The following CRYZL1 variants were observed in gnomAD, a reference collection of about 807,000 sequenced individuals.
The protein encoded by CRYZL1 is ferry endosomal RAB5 effector complex subunit 4.
CRYZL1 carries 34 observed loss-of-function variants against 50.6 expected under a neutral mutation model. That is an observed-to-expected ratio of 0.67 (90% CI 0.51 to 0.89). The LOEUF is 0.89. Among genes scored for constraint, CRYZL1 ranks in the 40% least tolerant of loss-of-function variants. The pLI is 0.00. For missense variants in CRYZL1, 354 were observed against 402.3 expected, an observed-to-expected ratio of 0.88 and a Z score of 1.03; for synonymous variants, 125 against 134.3, an observed-to-expected ratio of 0.93 and a Z score of 0.48.
chr21:33,602,431 A>G (rs1203920820), intron 7 of CRYZL1, 86 bp from the exon 8 acceptor site: 2 of 520,708 alleles, frequency 3.8e-6, no homozygotes, highest in Non-Finnish European at 6.7e-6. Flanking sequence ...TTAATAAAGT[A>G]TAATTCTTTA....
At chr21:33,608,321 G>A (rs760643345) in intron 6 of CRYZL1, among the ~76,000 whole-genome samples, 11 of 152,214 alleles carry the variant, frequency 7.2e-5, no homozygotes, top group African/African-American at 1.4e-4. Context: ...CAGGTGTGGC[G>A]GCTGGCACCT....
At chr21:33,626,542 CA>C (rs2087065744) in intron 2 of CRYZL1, among the ~76,000 whole-genome samples, 1 of 151,360 alleles carries the variant, frequency 6.6e-6, no homozygotes. Flanking sequence ...ACTAAAAATA[CA>C]AAAAATAGCT....
At chr21:33,600,895 G>C (rs1225806075) in intron 8 of CRYZL1, among the ~76,000 whole-genome samples, 1 of 139,140 alleles carries the variant, frequency 7.2e-6, no homozygotes, top group African/African-American at 2.7e-5. Context: ...CCAAAGTGCT[G>C]GGATTATAGG....
intron 6 of CRYZL1, among the ~76,000 whole-genome samples, chr21:33,612,553 T>C (rs1241067054): frequency 6.6e-6 from 1 of 152,320 alleles, no homozygotes; most frequent in East Asian, 1.9e-4. Flanking sequence ...CGTCCCAAAG[T>C]GCTAGGATCA....
At chr21:33,597,857 G>A (rs1000524218) in intron 9 of CRYZL1, among the ~76,000 whole-genome samples, 25 of 152,022 alleles carry the variant, frequency 1.6e-4, no homozygotes, top group Admixed American at 4.6e-4. Flanking sequence ...CTCGTGATCC[G>A]CCCGCCTCGG....
intron 1 of CRYZL1, chr21:33,641,391 G>A (rs2087330039): frequency 6.9e-7 from 1 of 1,453,854 alleles, no homozygotes; most frequent in Non-Finnish European, 9.1e-7. Flanking sequence ...GGGAGATTAA[G>A]TGGAAGGGCA....
rs958939715 is a variant in CRYZL1 at position 33,641,622 on chromosome 21, T to C, written c.-7+59A>G. ...GCTGCACGGTTCTGTGGGGCATCTC[T>C]CCACCTTTCGCTTAAAGGCCCGTTT... On this transcript the variant is annotated intron_variant, in intron 1 of 12. Transcript: ENST00000381554. 1.1e-5 allele frequency: 2 copies of C among 186,850 alleles called. No individual in the cohort carries two copies. Among genetic ancestry groups the C allele is most frequent in the Admixed American group, 6.2e-5 (1 of 16,188 alleles). 11.6% of individuals were successfully genotyped at this position (186,850 alleles called of 1,614,324 possible).
chr21:33,636,678 T>C (rs985073214), intron 1 of CRYZL1, among the ~76,000 whole-genome samples: 2 of 152,194 alleles, frequency 1.3e-5, no homozygotes, highest in African/African-American at 2.4e-5. Flanking sequence ...AAGTAGTTAA[T>C]AAAAATACTG....
chr21:33,640,163 C>G (rs1348199886), intron 1 of CRYZL1: 25 of 1,548,448 alleles, frequency 1.6e-5, no homozygotes, highest in Non-Finnish European at 2.1e-5. Flanking sequence ...ATAAAACTCT[C>G]CTGAGCTCAA....
At chr21:33,624,491 G>A (rs1387175587) in intron 3 of CRYZL1, among the ~76,000 whole-genome samples, 192 bp downstream of exon 3, 1 of 152,216 alleles carries the variant, frequency 6.6e-6, no homozygotes, top group Non-Finnish European at 1.5e-5. Flanking sequence ...AGAGGTTGCA[G>A]TGAGCTGAGA....
At chr21:33,639,020 A>G (rs2087244781) in intron 1 of CRYZL1, among the ~76,000 whole-genome samples, 1 of 152,244 alleles carries the variant, frequency 6.6e-6, no homozygotes, top group Non-Finnish European at 1.5e-5. Context: ...TAATCTCTAC[A>G]TCTTATGCAA....
Position 33,631,473 on chromosome 21 carries a change from CA to C in CRYZL1, c.66+12del. On this transcript the variant is annotated intron_variant, in intron 2 of 12. Transcript: ENST00000381554. The stretch of plus-strand genomic sequence containing the variant: ...TACACTAACTACTTTAATGATTAAA[CA>C]TTTTTTCTTACCTTTTCTTGAAATA... The C allele has an allele frequency of 6.7e-7, 1 of 1,493,160 alleles. No individual in the cohort carries two copies. 92.5% of individuals were successfully genotyped at this position (1,493,160 alleles called of 1,614,324 possible).
At chr21:33,592,116 T>A (rs949274205) in intron 11 of CRYZL1, among the ~76,000 whole-genome samples, 1 of 151,960 alleles carries the variant, frequency 6.6e-6, no homozygotes, top group East Asian at 1.9e-4. Context: ...TTGTTTTTTT[T>A]ATTGTCGTAT....
intron 11 of CRYZL1, chr21:33,591,636 T>A (rs1363744765): frequency 5.2e-6 from 1 of 194,014 alleles, no homozygotes; most frequent in East Asian, 1.3e-4. Context: ...TCAAAATTTG[T>A]TTGCAGAAGC....
In CRYZL1 at chr21:33,632,197, C is replaced by T. The variant is rs910674513; in HGVS notation, c.-6-640G>A. Among the ~76,000 whole-genome samples the T allele has an allele frequency of 5.3e-5, 8 of 149,678 alleles. No individual in the cohort carries two copies. The East Asian group carries it at 8.0e-4, about 15-fold the overall frequency. On this transcript the variant is annotated intron_variant, in intron 1 of 12. Transcript: ENST00000381554. Reference sequence around the variant, plus strand: ...AAAAAAAAAAATTAGCCAGGTGTGGCGGTGCGTGCCTGTAATCCTAGCTAC... The same window carrying T: ...AAAAAAAAAAATTAGCCAGGTGTGGTGGTGCGTGCCTGTAATCCTAGCTAC...
chr21:33,622,861 T>C lies in CRYZL1; in HGVS notation c.145-793A>G, dbSNP rs139386129. 2.2e-3 allele frequency among the ~76,000 whole-genome samples: 331 copies of C among 152,312 alleles called. 1 individual carries two copies. Among genetic ancestry groups the C allele is most frequent in the African/African-American group, 7.6e-3 (318 of 41,588 alleles). On this transcript the variant is annotated intron_variant, in intron 3 of 12. Transcript: ENST00000381554. ...TTTTCTGATCTCCTGTATTGTATAC[T>C]TGATGGTCAGAAGTCTCTTTTTCAA...
chr21:33,617,812 C>T (rs182286517), intron 4 of CRYZL1, among the ~76,000 whole-genome samples: 3 of 152,152 alleles, frequency 2.0e-5, no homozygotes, highest in African/African-American at 7.2e-5. Context: ...AGGCCCAGGG[C>T]GTGGCGCTGG....
intron 1 of CRYZL1, among the ~76,000 whole-genome samples, chr21:33,634,605 A>T (rs1039659188): frequency 3.9e-5 from 5 of 128,976 alleles, no homozygotes; most frequent in East Asian, 2.0e-4. Flanking sequence ...ATTATTAAAT[A>T]AAAAAAAAAA....
chr21:33,600,932 A>ATTTTTTTT (rs760240536), intron 8 of CRYZL1, among the ~76,000 whole-genome samples: 2 of 122,626 alleles, frequency 1.6e-5, no homozygotes, highest in African/African-American at 3.1e-5. Context: ...CGGTCCATAA[A>ATTTTTTTT]GTTTTTTTTT....
Sources: allele counts gnomAD v4.1 joint callset (sites outside exome capture counted in the v4.1 genomes callset), GRCh38; gene constraint gnomAD v4.1.1; transcripts MANE v1.5; gene names NCBI Gene and HGNC (gene_info 2026-07-23, HGNC 2026-07-21).